FHOD3: variants seen among roughly 807,000 people sequenced by gnomAD.
The protein encoded by FHOD3 is FH1/FH2 domain-containing protein 3.
FHOD3 carries 90 observed loss-of-function variants against 173.0 expected under a neutral mutation model. That is an observed-to-expected ratio of 0.52 (90% confidence interval 0.44 to 0.62). FHOD3 has a LOEUF of 0.62. Ranked by LOEUF, FHOD3 falls within the 20% of genes least tolerant of loss-of-function variation. The pLI is 0.00. For synonymous variants in FHOD3, 828 were observed against 823.0 expected (o/e 1.01, Z -0.10); for missense variants, 1,945 against 2,034.7 (o/e 0.96, Z 0.85).
chr18:36,397,746 C>G (rs1339852825), intron 3 of FHOD3, among the ~76,000 whole-genome samples: 2 of 152,132 alleles, frequency 1.3e-5, no homozygotes, highest in Non-Finnish European at 2.9e-5. Flanking sequence ...GAGAAGTGCC[C>G]TTTCCTATCA....
intron 14 of FHOD3, among the ~76,000 whole-genome samples, chr18:36,681,234 G>A (rs969043749): frequency 3.9e-5 from 6 of 151,978 alleles, no homozygotes; most frequent in East Asian, 1.9e-4. Context: ...TTTCTCCTGC[G>A]AGCACACTCA....
intron 6 of FHOD3, among the ~76,000 whole-genome samples, chr18:36,577,996 C>CACTA (rs1482333529): frequency 3.9e-5 from 6 of 152,140 alleles, no homozygotes; most frequent in African/African-American, 1.4e-4. Flanking sequence ...GTACGGGTGG[C>CACTA]ACGTTATGGA....
intron 3 of FHOD3, among the ~76,000 whole-genome samples, chr18:36,500,155 G>A (rs1243472282): frequency 4.6e-5 from 7 of 152,218 alleles, no homozygotes; most frequent in East Asian, 1.9e-4. Flanking sequence ...TTCTGGCTGC[G>A]GTGGGCAGCC....
chr18:36,736,388 G>A (rs919551230), intron 20 of FHOD3, among the ~76,000 whole-genome samples: 20 of 152,186 alleles, frequency 1.3e-4, no homozygotes, highest in African/African-American at 3.4e-4. Flanking sequence ...AGCCTTTAGC[G>A]CCCGCATCTA....
chr18:36,595,921 C>T (rs1012784750), intron 7 of FHOD3, among the ~76,000 whole-genome samples: 4 of 152,050 alleles, frequency 2.6e-5, no homozygotes, highest in Admixed American at 6.5e-5. Flanking sequence ...AACTGTAATA[C>T]TACTGTTACA....
intron 3 of FHOD3, among the ~76,000 whole-genome samples, chr18:36,486,793 T>G (rs1297414359): frequency 2.6e-5 from 4 of 152,236 alleles, no homozygotes; most frequent in African/African-American, 9.6e-5. Flanking sequence ...GTTTCCTTCA[T>G]GTATTTTCCC....
chr18:36,672,495 G>A (rs1263956475), intron 14 of FHOD3, among the ~76,000 whole-genome samples: 1 of 152,138 alleles, frequency 6.6e-6, no homozygotes, highest in East Asian at 1.9e-4. Flanking sequence ...CATGCCTCAC[G>A]GCCCAGCCAC....
At chr18:36,671,475 C>G (rs1481081697) in intron 14 of FHOD3, among the ~76,000 whole-genome samples, 2 of 152,192 alleles carry the variant, frequency 1.3e-5, no homozygotes, top group Non-Finnish European at 2.9e-5. Flanking sequence ...TCCTGTTACT[C>G]CAAATGGACT....
chr18:36,365,936 TA>T (rs775303838), intron 2 of FHOD3, among the ~76,000 whole-genome samples: 4 of 152,128 alleles, frequency 2.6e-5, no homozygotes, highest in Non-Finnish European at 5.9e-5. Flanking sequence ...CCTGTTTTGG[TA>T]GGTCCCTTTT....
At chr18:36,777,198 CTTTTTTTTTTTTT>C (rs11294880) in intron 28 of FHOD3, among the ~76,000 whole-genome samples, 2 of 108,890 alleles carry the variant, frequency 1.8e-5, no homozygotes, top group Non-Finnish European at 3.7e-5. Flanking sequence ...TCTTCTTTTT[CTTTTTTTTTTTTT>C]TTTTTTTTTG....
intron 14 of FHOD3, among the ~76,000 whole-genome samples, chr18:36,668,376 A>G (rs1168498940): frequency 6.6e-6 from 1 of 151,904 alleles, no homozygotes; most frequent in Admixed American, 6.6e-5. Context: ...CGTATTTCTC[A>G]TTCTTAATAT....
intron 17 of FHOD3, among the ~76,000 whole-genome samples, chr18:36,707,635 C>G (rs942556160): frequency 4.6e-5 from 7 of 152,134 alleles, no homozygotes; most frequent in African/African-American, 1.7e-4. Flanking sequence ...TAGCTGGGCC[C>G]CCTGCCTAGT....
chr18:36,599,720 G>T (rs997089698), intron 7 of FHOD3, among the ~76,000 whole-genome samples: 1 of 152,174 alleles, frequency 6.6e-6, no homozygotes, highest in Non-Finnish European at 1.5e-5. Flanking sequence ...ATTTATCTGG[G>T]TTAAGAGAGG....
At chr18:36,337,188 A>G (rs974353611) in intron 1 of FHOD3, among the ~76,000 whole-genome samples, 95 of 152,106 alleles carry the variant, frequency 6.2e-4, no homozygotes, top group African/African-American at 2.1e-3. Flanking sequence ...AAAAAAAAAA[A>G]AGTTAATTTT....
At chr18:36,751,699 T>C (rs879522668) in intron 24 of FHOD3, among the ~76,000 whole-genome samples, 9 of 152,240 alleles carry the variant, frequency 5.9e-5, no homozygotes, top group Non-Finnish European at 7.3e-5. Context: ...TGTTGAATTT[T>C]ATTGAAAGCC....
At chr18:36,443,897 A>G (rs1321313248) in intron 3 of FHOD3, among the ~76,000 whole-genome samples, 2 of 152,162 alleles carry the variant, frequency 1.3e-5, no homozygotes, top group African/African-American at 2.4e-5. Flanking sequence ...CATTAGCCAC[A>G]ATGTTTGTTT....
At chr18:36,711,799 G>A (rs977695352) in intron 18 of FHOD3, among the ~76,000 whole-genome samples, 6 of 152,192 alleles carry the variant, frequency 3.9e-5, no homozygotes, top group Non-Finnish European at 8.8e-5. Context: ...CTAGCCAAAG[G>A]ACTGGGAAAA....
chr18:36,297,921 C>T lies in FHOD3; in HGVS notation c.86C>T (p.Pro29Leu), dbSNP rs991111933. The T allele has an allele frequency of 5.8e-6, 9 of 1,562,696 alleles. No individual in the cohort carries two copies. In the African/African-American group the frequency reaches 1.1e-4, roughly 19 times the overall value. The change falls in exon 1 of 29, where the codon CCG becomes CTG. Residue 29 changes from proline to leucine, a missense_variant. By Grantham distance (98) the Pro-to-Leu change is moderately conservative. Coordinates refer to ENST00000590592, the MANE Select transcript of FHOD3 (RefSeq NM_001281740.3). ...AACTTCCCCGAGCCCAGCCGGCCGC[C>T]GCTGTTCACGTTCCGCGAGGACCTC... Reference protein sequence around the residue: ...STNFPEPSRPPLFTFREDLAL... With the variant: ...STNFPEPSRPLLFTFREDLAL...
chr18:36,597,372 A>G (rs908496917), intron 7 of FHOD3, among the ~76,000 whole-genome samples: 1 of 152,162 alleles, frequency 6.6e-6, no homozygotes, highest in African/African-American at 2.4e-5. Flanking sequence ...AATAATAATA[A>G]TAATAAAAAC....
Sources: gnomAD v4.1 joint callset for allele counts (sites outside exome capture counted in the v4.1 genomes callset) on GRCh38, gnomAD v4.1.1 for gene constraint, MANE v1.5 for transcripts, NCBI Gene and HGNC (gene_info 2026-07-23, HGNC 2026-07-21) for gene names.